The following ADGRL4 variants were observed in gnomAD, a reference collection of about 807,000 sequenced individuals.
ADGRL4 encodes EGF, latrophilin and seven transmembrane domain containing 1.
A neutral mutation model predicts 74.8 loss-of-function variants in ADGRL4; 90 were observed. The ratio of observed to expected loss-of-function variants is 1.20; its 90% CI spans 1.02 to 1.43. ADGRL4 has a LOEUF of 1.43. Among genes scored for constraint, ADGRL4 ranks in the 40% most tolerant of loss-of-function variants. The probability of loss-of-function intolerance (pLI) is 0.00; values close to 1 mark genes in which losing one functional copy is unlikely to be tolerated. For synonymous variants in ADGRL4, 311 were observed against 279.2 expected (o/e 1.11, Z -1.14); for missense variants, 881 against 814.3 (o/e 1.08, Z -1.00).
intron 9 of ADGRL4, 100 bp downstream of exon 9, chr1:78,921,513 C>T (rs1648998875): frequency 2.7e-6 from 2 of 745,372 alleles, no homozygotes; most frequent in East Asian, 3.3e-5. Context: ...GCTATCTAAA[C>T]CCAAGAAAAA....
intron 2 of ADGRL4, among the ~76,000 whole-genome samples, chr1:78,980,271 C>G (rs563572854): frequency 2.0e-5 from 3 of 151,452 alleles, no homozygotes; most frequent in Non-Finnish European, 4.4e-5. Context: ...TTACTGAGTT[C>G]TAATTCTTTT....
chr1:78,955,186 T>G (rs1330591810), intron 2 of ADGRL4, among the ~76,000 whole-genome samples: 3 of 152,108 alleles, frequency 2.0e-5, no homozygotes, highest in African/African-American at 2.4e-5. Context: ...TATTTAAATA[T>G]TACTGAGTAC....
At chr1:78,952,274 T>C (rs1180147906) in intron 2 of ADGRL4, among the ~76,000 whole-genome samples, 1 of 151,536 alleles carries the variant, frequency 6.6e-6, no homozygotes, top group Non-Finnish European at 1.5e-5. Context: ...ATAACCATTA[T>C]GTGATTCCTT....
chr1:78,904,781 G>GTATTTTCCT (rs1648595605), intron 12 of ADGRL4, among the ~76,000 whole-genome samples: 1 of 151,994 alleles, frequency 6.6e-6, no homozygotes, highest in Non-Finnish European at 1.5e-5. Context: ...CGTGTAAAAT[G>GTATTTTCCT]TGGATAGTAT....
chr1:78,924,006 T>G (rs1323324997), intron 8 of ADGRL4, among the ~76,000 whole-genome samples: 2 of 151,788 alleles, frequency 1.3e-5, no homozygotes, highest in Admixed American at 6.6e-5. Context: ...TGAAGGAAGA[T>G]TCACACCAAA....
chr1:78,942,438 A>T (rs1649506254), intron 3 of ADGRL4, among the ~76,000 whole-genome samples: 2 of 152,114 alleles, frequency 1.3e-5, no homozygotes, highest in Admixed American at 1.3e-4. Flanking sequence ...TAATCTCCAA[A>T]TCTATTAAAA....
intron 12 of ADGRL4, among the ~76,000 whole-genome samples, chr1:78,907,456 G>T (rs1365379289): frequency 6.6e-6 from 1 of 151,852 alleles, no homozygotes; most frequent in Non-Finnish European, 1.5e-5. Flanking sequence ...AATCCATAAG[G>T]TTTTTGTTTT....
chr1:78,956,592 C>T (rs549712523), intron 2 of ADGRL4, among the ~76,000 whole-genome samples: 2 of 152,254 alleles, frequency 1.3e-5, no homozygotes, highest in South Asian at 4.1e-4. Context: ...CTTTCTTCCC[C>T]ATTTTTAAAA....
intron 3 of ADGRL4, among the ~76,000 whole-genome samples, chr1:78,942,543 C>T (rs149120447): frequency 6.8e-4 from 103 of 152,144 alleles, no homozygotes; most frequent in African/African-American, 2.4e-3. Flanking sequence ...ACTGATTGAC[C>T]CACTTTCCTC....
At chr1:78,939,329 C>T (rs1351982993) in intron 3 of ADGRL4, 71 bp from the exon 4 acceptor site, 57 of 1,283,604 alleles carry the variant, frequency 4.4e-5, no homozygotes, top group Non-Finnish European at 5.6e-5. Context: ...CATATCAATC[C>T]CAATGATCTT....
In ADGRL4 at chr1:79,004,930, T is replaced by C. The variant is rs543365226; in HGVS notation, c.172+140A>G. On this transcript the variant is annotated intron_variant, in intron 2 of 14. Transcript: ENST00000370742. ...GACATGGTAAGTCAAACTTACTGTT[T>C]AGCTACTTACGCGTTTTTTAAATAG... is the stretch of plus-strand genomic sequence containing the variant. 4.7e-5 allele frequency: 29 copies of C among 621,772 alleles called. No homozygotes were observed. The Admixed American group carries it at 9.9e-4, about 21-fold the overall frequency. 38.5% of individuals were successfully genotyped at this position (621,772 alleles called of 1,614,324 possible).
intron 2 of ADGRL4, among the ~76,000 whole-genome samples, chr1:78,951,962 T>A (rs185346726): frequency 1.2e-4 from 19 of 152,342 alleles, no homozygotes; most frequent in Admixed American, 1.2e-3. Context: ...TTATGTTATC[T>A]TCTTTGTATA....
chr1:78,993,725 T>C (rs1650659552), intron 2 of ADGRL4, among the ~76,000 whole-genome samples: 2 of 152,042 alleles, frequency 1.3e-5, no homozygotes, highest in East Asian at 3.9e-4. Context: ...CCCACCACCA[T>C]GCTCGGCTAA....
Position 78,946,172 on chromosome 1 carries a change from A to C in ADGRL4, c.325+102T>G, listed in dbSNP as rs554387628. 1.7e-5 allele frequency: 13 copies of C among 775,260 alleles called. No homozygotes were observed. In the African/African-American group the frequency reaches 2.0e-4, roughly 12 times the overall value. The allele number at this position is 775,260 out of a possible 1,614,324, so 48.0% of individuals were successfully genotyped here. On this transcript the variant is annotated intron_variant, in intron 3 of 14. Transcript: ENST00000370742. ...TCTGAAAGTACTTAACACGTAGGGT[A>C]CGATCAAGGTCTGGCAGAATTTGGT...
Position 78,920,210 on chromosome 1 carries a change from A to G in ADGRL4, c.1434T>C (p.Leu478=). The G allele has an allele frequency of 2.5e-6, 4 of 1,611,558 alleles. No individual in the cohort carries two copies. Among genetic ancestry groups the G allele is most frequent in the Non-Finnish European group, 2.5e-6 (3 of 1,178,628 alleles). ...CSLFLAELVF[L]VGINTNTNKL... ...TATTAGTATTTGTATTGATCCCAAC[A>G]AGAAAAACAAGTTCAGCAAGAAATA... Residue 478 remains leucine, a synonymous_variant, in exon 10 of 15, where the codon CTT becomes CTC. Coordinates refer to ENST00000370742, the MANE Select transcript of ADGRL4 (RefSeq NM_022159.4).
chr1:78,989,873 G>T, intron 2 of ADGRL4, among the ~76,000 whole-genome samples: 1 of 151,884 alleles, frequency 6.6e-6, no homozygotes. Context: ...TTTTGTTGCT[G>T]ATAAAACTAT....
At chr1:78,901,074 A>G (rs1377964854) in intron 12 of ADGRL4, among the ~76,000 whole-genome samples, 1 of 152,126 alleles carries the variant, frequency 6.6e-6, no homozygotes, top group East Asian at 1.9e-4. Flanking sequence ...TAGGATTGCC[A>G]GATGTTGTAA....
chr1:78,925,842 G>A (rs7554380), intron 8 of ADGRL4, among the ~76,000 whole-genome samples: 74,349 of 151,828 alleles, frequency 0.49, 18,569 homozygotes, highest in Middle Eastern at 0.56. Context: ...TTCCACTGAT[G>A]AAAAACGGAA....
chr1:78,987,873 GA>G (rs1319588549), intron 2 of ADGRL4, among the ~76,000 whole-genome samples: 1 of 151,560 alleles, frequency 6.6e-6, no homozygotes, highest in African/African-American at 2.4e-5. Context: ...TTATCCAAAG[GA>G]ACATTCAATC....
Sources: allele counts gnomAD v4.1 joint callset (sites outside exome capture counted in the v4.1 genomes callset), GRCh38; gene constraint gnomAD v4.1.1; transcripts MANE v1.5; gene names NCBI Gene and HGNC (gene_info 2026-07-23, HGNC 2026-07-21).